The following WDR59 variants were observed in gnomAD, a reference collection of about 807,000 sequenced individuals.
The protein encoded by WDR59 is GATOR2 complex protein WDR59.
A neutral mutation model predicts 131.2 loss-of-function variants in WDR59; 100 were observed. That is an observed-to-expected ratio of 0.76 (90% CI 0.65 to 0.90). WDR59 has a LOEUF of 0.90. WDR59 is among the 40% of genes least tolerant of loss of function. The pLI, the probability that WDR59 is intolerant of heterozygous loss-of-function variation, is 0.00. For synonymous variants in WDR59, 601 were observed against 466.2 expected, an observed-to-expected ratio of 1.29 and a Z score of -3.72; for missense variants, 1,203 against 1,262.2, an observed-to-expected ratio of 0.95 and a Z score of 0.71.
intron 8 of WDR59, among the ~76,000 whole-genome samples, chr16:74,932,110 T>C (rs1026802388): frequency 6.6e-6 from 1 of 151,332 alleles, no homozygotes; most frequent in Non-Finnish European, 1.5e-5. Flanking sequence ...ATTTATTTTT[T>C]TAAGAGATAG....
intron 9 of WDR59, among the ~76,000 whole-genome samples, chr16:74,923,523 G>A (rs1487623855): frequency 2.6e-5 from 4 of 151,982 alleles, no homozygotes; most frequent in African/African-American, 9.7e-5. Context: ...TGTCACCCAG[G>A]CTGGAGTGCA....
At chr16:74,961,706 T>G (rs2033576028) in intron 2 of WDR59, among the ~76,000 whole-genome samples, 1 of 152,222 alleles carries the variant, frequency 6.6e-6, no homozygotes, top group South Asian at 2.1e-4. Flanking sequence ...GTCAGATGAA[T>G]AGGTTGCAAG....
At chr16:74,887,592 A>G in intron 23 of WDR59, 91 bp downstream of exon 23, 1 of 1,212,054 alleles carries the variant, frequency 8.3e-7, no homozygotes. Flanking sequence ...ATAAGAAAAA[A>G]TATGGAGACT....
chr16:74,977,556 C>T (rs1170386079), intron 1 of WDR59, among the ~76,000 whole-genome samples: 1 of 151,988 alleles, frequency 6.6e-6, no homozygotes, highest in African/African-American at 2.4e-5. Flanking sequence ...GGTGTGGTGG[C>T]GGGCGCATGT....
chr16:74,874,349 C>T lies in WDR59; in HGVS notation c.2785G>A (p.Val929Met), dbSNP rs750516992. 1.9e-6 allele frequency: 3 copies of T among 1,614,152 alleles called. No individual in the cohort carries two copies. Among genetic ancestry groups the T allele is most frequent in the Non-Finnish European group, 2.5e-6 (3 of 1,180,038 alleles). Residue 929 changes from valine (V) to methionine (M), a missense_variant, in exon 26 of 26, where the codon GTG (valine) becomes ATG (methionine). Physicochemically the swap from Val to Met is conservative, Grantham distance 21. Coordinates refer to ENST00000262144, the MANE Select transcript of WDR59 (RefSeq NM_030581.4). ...GFTFQCAICHVAVRGSSNFCL... is the reference protein window; with the variant it reads ...GFTFQCAICHMAVRGSSNFCL... ...AAATTGGACGATCCCCGCACAGCCA[C>T]GTGACAGATGGCACACTGGAACGTG... is the stretch of plus-strand genomic sequence containing the variant.
chr16:74,902,031 C>T (rs1366189319), intron 18 of WDR59, among the ~76,000 whole-genome samples: 1 of 152,106 alleles, frequency 6.6e-6, no homozygotes, highest in Admixed American at 6.5e-5. Flanking sequence ...GGTCAAATAT[C>T]AGCAATTTCG....
chr16:74,949,226 G>A (rs1030560507), intron 5 of WDR59, among the ~76,000 whole-genome samples: 11 of 149,900 alleles, frequency 7.3e-5, no homozygotes, highest in East Asian at 2.0e-4. Flanking sequence ...AGCTACTCAA[G>A]AGGCTGAAGT....
intron 7 of WDR59, 138 bp from the exon 8 acceptor site, chr16:74,938,404 G>A (rs1209406561): frequency 1.5e-5 from 8 of 539,870 alleles, no homozygotes; most frequent in Non-Finnish European, 2.4e-5. Context: ...GACTTTGTTT[G>A]TTTTGGTTAA....
At chr16:74,877,836 C>T (rs183018604) in intron 25 of WDR59, among the ~76,000 whole-genome samples, 201 of 152,332 alleles carry the variant, frequency 1.3e-3, no homozygotes, top group African/African-American at 4.8e-3. Context: ...TGAGCCACCG[C>T]GCCCCGCCTG....
At chr16:74,912,440 C>T (rs966725623) in intron 13 of WDR59, 78 bp from the exon 14 acceptor site, 3 of 1,420,378 alleles carry the variant, frequency 2.1e-6, no homozygotes, top group Non-Finnish European at 2.9e-6. Context: ...TAACTGAACG[C>T]TCCATGTTCC....
intron 6 of WDR59, among the ~76,000 whole-genome samples, chr16:74,944,323 A>T (rs896819941): frequency 2.6e-5 from 4 of 152,004 alleles, no homozygotes; most frequent in Non-Finnish European, 4.4e-5. Flanking sequence ...AAAATTAGCC[A>T]GGTGTGGTGG....
In WDR59 at chr16:74,982,909, C is replaced by G. The variant is rs564982336; in HGVS notation, c.54+2055G>C. Among the ~76,000 whole-genome samples, 7 of 152,348 alleles carry G rather than the reference C, an allele frequency of 4.6e-5. No homozygotes were observed. The South Asian group carries it at 1.2e-3, about 27-fold the overall frequency. ...GAAGAAACCACATCACCCATTCATA[C>G]TTATCCAGATCTCCCTCAGTATGAA... On this transcript the variant is annotated intron_variant, in intron 1 of 25. Transcript: ENST00000262144.
chr16:74,945,096 C>G (rs771629128), intron 6 of WDR59, among the ~76,000 whole-genome samples: 3 of 151,506 alleles, frequency 2.0e-5, no homozygotes, highest in Admixed American at 2.0e-4. Flanking sequence ...CGCACTATAG[C>G]CTGGCCGACA....
At chr16:74,933,201 T>G (rs1039270599) in intron 8 of WDR59, among the ~76,000 whole-genome samples, 23 of 152,304 alleles carry the variant, frequency 1.5e-4, no homozygotes, top group African/African-American at 5.3e-4. Flanking sequence ...CTTCAGAGGC[T>G]GAGGTGGGAG....
intron 23 of WDR59, 97 bp downstream of exon 23, chr16:74,887,586 G>GA (rs1964828023): frequency 1.7e-6 from 2 of 1,176,750 alleles, no homozygotes; most frequent in Non-Finnish European, 2.4e-6. Context: ...TAAGAAATAA[G>GA]AAAAAATATG....
chr16:74,920,135 G>A (rs927356944), intron 10 of WDR59, among the ~76,000 whole-genome samples: 1 of 151,690 alleles, frequency 6.6e-6, no homozygotes, highest in Admixed American at 6.6e-5. Context: ...ACAACCTTCA[G>A]CTGAGAAAGA....
In WDR59 at chr16:74,930,472, T is replaced by A. The variant is rs369809456; in HGVS notation, c.652-6469A>T. ...AAATTAATGGCTGTGAATGGTAGAATATAAAATAAGAAGCTTGAAAACATG... is the reference window on the plus strand; with the variant it reads ...AAATTAATGGCTGTGAATGGTAGAAAATAAAATAAGAAGCTTGAAAACATG... On this transcript the variant is annotated intron_variant, in intron 8 of 25. Coordinates refer to ENST00000262144, the MANE Select transcript of WDR59 (RefSeq NM_030581.4). Among the ~76,000 whole-genome samples the A allele has an allele frequency of 3.9e-5, 6 of 151,930 alleles. No individual in the cohort carries two copies. The South Asian group carries it at 1.2e-3, about 32-fold the overall frequency.
At chr16:74,967,037 C>T (rs1250074596) in intron 1 of WDR59, among the ~76,000 whole-genome samples, 1 of 152,166 alleles carries the variant, frequency 6.6e-6, no homozygotes, top group Admixed American at 6.6e-5. Flanking sequence ...AAGTTCTCTC[C>T]AAGACAGTAT....
In WDR59 at chr16:74,890,950, C is replaced by T. The variant is rs138398220; in HGVS notation, c.2083-1135G>A. Among the ~76,000 whole-genome samples, 395 of 152,032 alleles carry T rather than the reference C, an allele frequency of 2.6e-3. 1 individual carries two copies. Among genetic ancestry groups the T allele is most frequent in the African/African-American group, 9.3e-3 (384 of 41,464 alleles). ...CCAATATGGTGAAACCCTGTCTCTA[C>T]TAAAGATACAAAAATTAGCTGGGCA... On this transcript the variant is annotated intron_variant, in intron 20 of 25. Transcript: ENST00000262144.
Sources: gnomAD v4.1 joint callset for allele counts (sites outside exome capture counted in the v4.1 genomes callset) on GRCh38, gnomAD v4.1.1 for gene constraint, MANE v1.5 for transcripts, NCBI Gene and HGNC (gene_info 2026-07-23, HGNC 2026-07-21) for gene names.